PLA1A: variants seen among roughly 807,000 people sequenced by gnomAD.
PLA1A encodes the protein phospholipase A1 member A.
Under a neutral mutation model 49.4 loss-of-function variants are expected in PLA1A, and 47 were observed. That is an observed-to-expected ratio of 0.95 (90% CI 0.75 to 1.21). The LOEUF is 1.21. PLA1A is among the 50% of genes most tolerant of loss of function. The pLI is 0.00. For synonymous variants in PLA1A, 224 were observed against 207.9 expected (o/e 1.08, Z -0.67); for missense variants, 561 against 563.9 (o/e 0.99, Z 0.05).
At chr3:119,628,527 G>A (rs2052577007) in intron 9 of PLA1A, among the ~76,000 whole-genome samples, 174 bp from the exon 10 acceptor site, 1 of 152,224 alleles carries the variant, frequency 6.6e-6, no homozygotes, top group Non-Finnish European at 1.5e-5. Flanking sequence ...ATTCAAAGCT[G>A]TAGGTGTGGG....
At position 119,629,728 on chromosome 3, in the gene PLA1A, C is replaced by T; in HGVS notation, c.*260C>T. 2.3e-6 allele frequency: 1 copy of T among 436,188 alleles called. No homozygotes were observed. Among genetic ancestry groups the T allele is most frequent in the Non-Finnish European group, 4.1e-6 (1 of 245,458 alleles). The allele number at this position is 436,188 out of a possible 1,614,324, so 27.0% of individuals were successfully genotyped here. ...TACTTAACTGCACTTGCTTTATCTCCTTGGGCATTCGTACTTAGGATTCAA... is the reference window on the plus strand; with the variant it reads ...TACTTAACTGCACTTGCTTTATCTCTTTGGGCATTCGTACTTAGGATTCAA... On this transcript the variant is annotated 3_prime_UTR_variant, in exon 11 of 11. Transcript: ENST00000273371.
At chr3:119,621,833 G>A (rs1371235239) in intron 8 of PLA1A, among the ~76,000 whole-genome samples, 1 of 152,128 alleles carries the variant, frequency 6.6e-6, no homozygotes, top group Admixed American at 6.5e-5. Flanking sequence ...TGTGTTGTAC[G>A]ACATGAGACA....
intron 4 of PLA1A, 111 bp from the exon 5 acceptor site, chr3:119,612,906 C>G: frequency 1.5e-6 from 1 of 649,326 alleles, no homozygotes. Flanking sequence ...ACCCTTGGGT[C>G]TTTTCTGGGA....
chr3:119,627,859 G>A (rs1051964336), intron 9 of PLA1A, among the ~76,000 whole-genome samples: 1 of 152,152 alleles, frequency 6.6e-6, no homozygotes, highest in Non-Finnish European at 1.5e-5. Flanking sequence ...TGAATCTCAC[G>A]ATTTTTTGCT....
At chr3:119,616,641 A>T (rs953623416) in intron 6 of PLA1A, among the ~76,000 whole-genome samples, 1 of 152,258 alleles carries the variant, frequency 6.6e-6, no homozygotes, top group Non-Finnish European at 1.5e-5. Flanking sequence ...ATAAAAATTT[A>T]AAATGCTGAT....
At chr3:119,622,679 G>A (rs1377313168) in intron 8 of PLA1A, among the ~76,000 whole-genome samples, 1 of 152,114 alleles carries the variant, frequency 6.6e-6, no homozygotes, top group African/African-American at 2.4e-5. Flanking sequence ...AGAGGCGAAG[G>A]ATTGCATCTC....
At chr3:119,608,130 A>G (rs1262723680) in intron 2 of PLA1A, among the ~76,000 whole-genome samples, 1 of 151,996 alleles carries the variant, frequency 6.6e-6, no homozygotes, top group Admixed American at 6.6e-5. Flanking sequence ...TGCTTGCTGA[A>G]TAAATCAGTG....
intron 5 of PLA1A, among the ~76,000 whole-genome samples, chr3:119,614,472 G>T (rs1431334505): frequency 1.3e-5 from 2 of 152,058 alleles, no homozygotes; most frequent in African/African-American, 4.8e-5. Flanking sequence ...GAGGCGTGGT[G>T]GTAGGCACCT....
At chr3:119,614,929 G>C (rs890041078) in intron 5 of PLA1A, among the ~76,000 whole-genome samples, 1 of 152,134 alleles carries the variant, frequency 6.6e-6, no homozygotes, top group Non-Finnish European at 1.5e-5. Context: ...GTAGGGGTCC[G>C]GGTGAGAGAT....
intron 9 of PLA1A, among the ~76,000 whole-genome samples, chr3:119,626,074 A>G (rs538367909): frequency 5.5e-4 from 84 of 152,354 alleles, no homozygotes; most frequent in Middle Eastern, 3.4e-3. Flanking sequence ...GCTGGAAAAC[A>G]GAGATGGGGA....
intron 1 of PLA1A, among the ~76,000 whole-genome samples, chr3:119,603,189 G>A (rs114706767): frequency 0.011 from 1,711 of 151,676 alleles, 34 homozygotes; most frequent in African/African-American, 0.04. Context: ...AAAAAAAATC[G>A]TGACTGCTGT....
intron 5 of PLA1A, among the ~76,000 whole-genome samples, chr3:119,614,742 T>TAA (rs11403395): frequency 0.011 from 1,603 of 148,730 alleles, 31 homozygotes; most frequent in African/African-American, 0.037. Flanking sequence ...TGATGTGACT[T>TAA]AAAAAAAAAA....
chr3:119,603,450 A>C (rs1186350848), intron 1 of PLA1A, among the ~76,000 whole-genome samples: 1 of 152,230 alleles, frequency 6.6e-6, no homozygotes, highest in East Asian at 1.9e-4. Flanking sequence ...GTTGCTACCA[A>C]TGTTGCTCAT....
In PLA1A at chr3:119,628,760, T is replaced by A. The variant is rs760853707; in HGVS notation, c.1181T>A (p.Ile394Lys). 1 of 1,614,120 alleles carries A rather than the reference T, an allele frequency of 6.2e-7. No homozygotes were observed. The highest frequency in any genetic ancestry group is 1.7e-5 in the Admixed American group (1 of 60,020). Residue 394 changes from isoleucine to lysine, a missense_variant, in exon 10 of 11, where the codon ATA (isoleucine) becomes AAA (lysine). Ile to Lys is a moderately radical substitution (Grantham distance 102). Coordinates refer to ENST00000273371, the MANE Select transcript of PLA1A (RefSeq NM_015900.4). ...IIAHATPQCQ[I>K]NQVKFKFQSS... Reference sequence around the variant, plus strand: ...GCCCATGCCACCCCACAATGCCAGATAAACCAAGTGAAATTCAAGTTTCAG... The same window carrying A: ...GCCCATGCCACCCCACAATGCCAGAAAAACCAAGTGAAATTCAAGTTTCAG...
chr3:119,619,422 A>G, intron 7 of PLA1A, 141 bp from the exon 8 acceptor site: 1 of 680,410 alleles, frequency 1.5e-6, no homozygotes, highest in African/African-American at 1.7e-5. Flanking sequence ...GACTCACCTT[A>G]GAATACAGCA....
intron 1 of PLA1A, among the ~76,000 whole-genome samples, chr3:119,604,846 A>G (rs1253641402): frequency 1.3e-5 from 2 of 152,184 alleles, no homozygotes; most frequent in East Asian, 1.9e-4. Flanking sequence ...GGCTTGTCCT[A>G]TTGTAAAAAA....
chr3:119,607,120 G>A, intron 2 of PLA1A, 145 bp downstream of exon 2: 1 of 670,418 alleles, frequency 1.5e-6, no homozygotes, highest in Non-Finnish European at 2.6e-6. Flanking sequence ...GTCTTTGATG[G>A]GGTCTCATGT....
chr3:119,626,329 A>G (rs1175057576), intron 9 of PLA1A, among the ~76,000 whole-genome samples: 1 of 152,228 alleles, frequency 6.6e-6, no homozygotes, highest in Non-Finnish European at 1.5e-5. Context: ...ATCAGTCCAG[A>G]GCAAACAGGG....
At chr3:119,620,039 A>T (rs1031775089) in intron 8 of PLA1A, 8 of 461,212 alleles carry the variant, frequency 1.7e-5, no homozygotes, top group African/African-American at 1.4e-4. Context: ...CCTGGGGAAT[A>T]CTGAACCTTT....
Sources: allele counts gnomAD v4.1 joint callset (sites outside exome capture counted in the v4.1 genomes callset), GRCh38; gene constraint gnomAD v4.1.1; transcripts MANE v1.5; gene names NCBI Gene and HGNC (gene_info 2026-07-23, HGNC 2026-07-21).